The following RORB variants were observed in gnomAD, a reference collection of about 807,000 sequenced individuals.
The protein encoded by RORB is nuclear receptor ROR-beta.
A neutral mutation model predicts 59.1 loss-of-function variants in RORB; 6 were observed. That is an observed-to-expected ratio of 0.10 (90% CI 0.06 to 0.20). The LOEUF is 0.20. Among genes scored for constraint, RORB ranks in the 10% least tolerant of loss-of-function variants. The pLI, the probability that RORB is intolerant of heterozygous loss-of-function variation, is 1.00. For missense variants in RORB, 320 were observed against 560.5 expected, an observed-to-expected ratio of 0.57 and a Z score of 4.33; for synonymous variants, 215 against 204.5, an observed-to-expected ratio of 1.05 and a Z score of -0.44.
chr9:74,653,943 C>G (rs1022822621), intron 4 of RORB, among the ~76,000 whole-genome samples: 14 of 152,128 alleles, frequency 9.2e-5, no homozygotes, highest in Admixed American at 9.2e-4. Flanking sequence ...CAGTTATAAA[C>G]AAGACATCGT....
chr9:74,646,015 A>C (rs1849), intron 4 of RORB, among the ~76,000 whole-genome samples: 45,699 of 151,926 alleles, frequency 0.3, 7,922 homozygotes, highest in Non-Finnish European at 0.4. Context: ...ATTAATGGGC[A>C]TCTAAACCAA....
chr9:74,552,654 TATA>T (rs1421978454), intron 1 of RORB, among the ~76,000 whole-genome samples: 4 of 152,088 alleles, frequency 2.6e-5, no homozygotes, highest in Admixed American at 1.3e-4. Context: ...ATATCATGTT[TATA>T]ATATCATTTA....
intron 1 of RORB, among the ~76,000 whole-genome samples, chr9:74,563,122 A>G (rs1385327926): frequency 6.6e-6 from 1 of 152,074 alleles, no homozygotes; most frequent in Non-Finnish European, 1.5e-5. Flanking sequence ...GCAACAGCTA[A>G]AAATCTTAAC....
intron 1 of RORB, among the ~76,000 whole-genome samples, chr9:74,596,055 A>T (rs67145914): frequency 6.6e-6 from 1 of 152,034 alleles, no homozygotes; most frequent in Non-Finnish European, 1.5e-5. Context: ...TGAACAAAAA[A>T]TGCAAGTCAC....
At chr9:74,650,735 C>T (rs750250620) in intron 4 of RORB, among the ~76,000 whole-genome samples, 23 of 152,154 alleles carry the variant, frequency 1.5e-4, no homozygotes, top group South Asian at 6.2e-4. Context: ...CAATTTGACA[C>T]AATAAGGAAC....
At chr9:74,504,326 T>A (rs1416213725) in intron 1 of RORB, among the ~76,000 whole-genome samples, 1 of 152,070 alleles carries the variant, frequency 6.6e-6, no homozygotes, top group Non-Finnish European at 1.5e-5. Flanking sequence ...ATTTTATAAA[T>A]ATTGTAAATA....
intron 1 of RORB, among the ~76,000 whole-genome samples, chr9:74,579,219 G>A (rs1276647557): frequency 2.0e-5 from 3 of 152,014 alleles, no homozygotes; most frequent in Non-Finnish European, 4.4e-5. Context: ...TCAAGCAAAT[G>A]AACATAGAAT....
chr9:74,619,047 T>C (rs1243789811), intron 1 of RORB, among the ~76,000 whole-genome samples: 2 of 152,338 alleles, frequency 1.3e-5, no homozygotes, highest in East Asian at 3.9e-4. Flanking sequence ...TAAGGCATGA[T>C]TGATAATTCT....
chr9:74,515,388 G>A (rs1425348778), intron 1 of RORB, among the ~76,000 whole-genome samples: 4 of 151,732 alleles, frequency 2.6e-5, no homozygotes, highest in South Asian at 2.1e-4. Flanking sequence ...GAGTCTGTGC[G>A]ATGTTTCCTC....
intron 1 of RORB, among the ~76,000 whole-genome samples, chr9:74,576,417 T>A (rs1185067264): frequency 6.6e-5 from 10 of 151,758 alleles, no homozygotes; most frequent in African/African-American, 2.2e-4. Context: ...GAAGTGGGAA[T>A]AAGGGCAACA....
intron 1 of RORB, among the ~76,000 whole-genome samples, chr9:74,514,302 T>C (rs1825980463): frequency 6.6e-6 from 1 of 151,968 alleles, no homozygotes; most frequent in Admixed American, 6.6e-5. Flanking sequence ...TCTGCAAACT[T>C]TTATGTAAAG....
chr9:74,678,576 A>G (rs1459026593), intron 9 of RORB, among the ~76,000 whole-genome samples: 1 of 152,220 alleles, frequency 6.6e-6, no homozygotes, highest in Admixed American at 6.5e-5. Flanking sequence ...TTCTGGTCAC[A>G]TTGGTAGTGC....
intron 1 of RORB, among the ~76,000 whole-genome samples, chr9:74,576,541 T>C (rs1478980156): frequency 6.6e-6 from 1 of 152,096 alleles, no homozygotes. Flanking sequence ...TCCTTGTACA[T>C]GTCATGATGA....
At chr9:74,500,125 G>A (rs11143996) in intron 1 of RORB, among the ~76,000 whole-genome samples, 30,551 of 152,116 alleles carry the variant, frequency 0.2, 3,864 homozygotes, top group Middle Eastern at 0.3. Context: ...CAAAGAGGGC[G>A]CCAGCCTCGC....
intron 9 of RORB, among the ~76,000 whole-genome samples, chr9:74,679,863 C>T (rs1009862115): frequency 2.6e-5 from 4 of 152,018 alleles, no homozygotes; most frequent in African/African-American, 9.7e-5. Context: ...TTTGGGAGGC[C>T]GAGGCAGGCG....
rs1824651593 is a variant in RORB, at chr9:74,686,654, G to C, written c.*1036G>C. The C allele has an allele frequency of 6.6e-6, 1 of 152,314 alleles. No individual in the cohort carries two copies. The highest frequency in any genetic ancestry group is 1.9e-4 in the East Asian group (1 of 5,192). The allele number at this position is 152,314 out of a possible 1,614,324, so 9.4% of individuals were successfully genotyped here. A position where few individuals can be genotyped will look rare whatever the true frequency, so the allele number is the denominator to read the frequency against. The stretch of plus-strand genomic sequence containing the variant: ...CTACCAGCAATTTTTTTCTAGGAAA[G>C]TTAAAAGAATAAATCAGAACCCAGG... On this transcript the variant is annotated 3_prime_UTR_variant, in exon 10 of 10. Coordinates refer to ENST00000376896, the MANE Select transcript of RORB (RefSeq NM_006914.4).
At chr9:74,625,360 T>G (rs2118399607) in intron 1 of RORB, among the ~76,000 whole-genome samples, 1 of 152,338 alleles carries the variant, frequency 6.6e-6, no homozygotes, top group South Asian at 2.1e-4. Context: ...ATGCCTGTAA[T>G]TCCAGCCCTT....
chr9:74,646,997 A>T (rs996490307), intron 4 of RORB, among the ~76,000 whole-genome samples: 3 of 152,180 alleles, frequency 2.0e-5, no homozygotes, highest in African/African-American at 7.2e-5. Context: ...GGGTAAGCAA[A>T]CAGAAAACCA....
intron 1 of RORB, among the ~76,000 whole-genome samples, chr9:74,561,363 T>C (rs1822394623): frequency 2.0e-5 from 3 of 152,194 alleles, no homozygotes; most frequent in African/African-American, 7.2e-5. Context: ...GTAAATATCT[T>C]ATTTTTTTAT....
Sources: allele counts gnomAD v4.1 joint callset (sites outside exome capture counted in the v4.1 genomes callset), GRCh38; gene constraint gnomAD v4.1.1; transcripts MANE v1.5; gene names NCBI Gene and HGNC (gene_info 2026-07-23, HGNC 2026-07-21).